ANO6: variants seen among roughly 807,000 people sequenced by gnomAD.
ANO6 encodes anoctamin-6.
ANO6 carries 106 observed loss-of-function variants against 117.5 expected under a neutral mutation model. The observed-to-expected ratio is 0.90, with a 90% CI of 0.77 to 1.06. The LOEUF is 1.06. ANO6 is among the 50% of genes least tolerant of loss of function. The probability of loss-of-function intolerance (pLI) is 0.00; values close to 1 mark genes in which losing one functional copy is unlikely to be tolerated. For synonymous variants in ANO6, 367 were observed against 385.1 expected, an observed-to-expected ratio of 0.95 and a Z score of 0.55; for missense variants, 955 against 1,121.1, an observed-to-expected ratio of 0.85 and a Z score of 2.12.
At chr12:45,298,435 T>C (rs1592932701) in intron 1 of ANO6, among the ~76,000 whole-genome samples, 2 of 152,338 alleles carry the variant, frequency 1.3e-5, no homozygotes, top group Admixed American at 1.3e-4. Flanking sequence ...TTATTTTTGC[T>C]GAGAAATGAA....
intron 2 of ANO6, among the ~76,000 whole-genome samples, chr12:45,308,066 T>TTTTTTTC (rs1939732394): frequency 7.4e-6 from 1 of 135,620 alleles, no homozygotes; most frequent in Non-Finnish European, 1.6e-5. Flanking sequence ...TTTTTTTTTT[T>TTTTTTTC]TTTTTTGCCA....
intron 1 of ANO6, among the ~76,000 whole-genome samples, chr12:45,219,492 A>G (rs577586387): frequency 5.5e-5 from 8 of 145,172 alleles, no homozygotes; most frequent in African/African-American, 2.0e-4. Context: ...TTGTGACACC[A>G]TGCCTGGCCA....
At chr12:45,409,597 A>T in intron 16 of ANO6, 110 bp downstream of exon 16, 1 of 1,325,146 alleles carries the variant, frequency 7.5e-7, no homozygotes, top group Non-Finnish European at 1.1e-6. Flanking sequence ...TGAAATGAAG[A>T]AGAGTATGTT....
intron 1 of ANO6, among the ~76,000 whole-genome samples, chr12:45,238,618 C>T (rs555909730): frequency 4.0e-5 from 6 of 151,148 alleles, no homozygotes; most frequent in South Asian, 2.1e-4. Context: ...AGTCTTGTGC[C>T]GGTTTTCAAA....
At chr12:45,365,810 C>G (rs75466527) in intron 8 of ANO6, among the ~76,000 whole-genome samples, 24 of 147,384 alleles carry the variant, frequency 1.6e-4, no homozygotes, top group Middle Eastern at 3.4e-3. Context: ...CAGATGACAT[C>G]AAGCACTTGC....
chr12:45,289,089 T>C (rs1444867459), intron 1 of ANO6, among the ~76,000 whole-genome samples: 1 of 151,948 alleles, frequency 6.6e-6, no homozygotes, highest in Non-Finnish European at 1.5e-5. Flanking sequence ...TGTACCCTAA[T>C]TGATTTAAGC....
At chr12:45,437,053 C>G (rs1943715095), downstream of ANO6, among the ~76,000 whole-genome samples, 1 of 152,208 alleles carries the variant, frequency 6.6e-6, no homozygotes, top group Non-Finnish European at 1.5e-5. Flanking sequence ...TCAGTGAAAC[C>G]TGTGTGGAAA....
chr12:45,349,331 C>T (rs1335209979), intron 6 of ANO6, among the ~76,000 whole-genome samples: 1 of 152,038 alleles, frequency 6.6e-6, no homozygotes, highest in African/African-American at 2.4e-5. Context: ...ATGGCAGTAC[C>T]CCAGATGGTT....
At chr12:45,268,275 C>T (rs1394362854) in intron 1 of ANO6, among the ~76,000 whole-genome samples, 1 of 152,170 alleles carries the variant, frequency 6.6e-6, no homozygotes. Context: ...AATCCCAGCA[C>T]TTTGGGAAGC....
At chr12:45,439,667 T>TTTTGAAA in intron 19 of ANO6, 1 of 1,229,210 alleles carries the variant, frequency 8.1e-7, no homozygotes, top group Non-Finnish European at 1.0e-6. Flanking sequence ...TTTTTTTTTT[T>TTTTGAAA]GAGACAGTAT....
intron 1 of ANO6, among the ~76,000 whole-genome samples, chr12:45,244,374 C>T (rs1565641937): frequency 7.5e-6 from 1 of 133,608 alleles, no homozygotes; most frequent in Non-Finnish European, 1.5e-5. Flanking sequence ...ACTGCCCAAG[C>T]AGCGGTTACT....
At chr12:45,368,794 G>A (rs1030431033) in intron 9 of ANO6, among the ~76,000 whole-genome samples, 4 of 152,172 alleles carry the variant, frequency 2.6e-5, no homozygotes, top group African/African-American at 9.7e-5. Context: ...TTAACGGAAT[G>A]TATTGCTGTT....
At chr12:45,402,162 A>G (rs1942808496) in intron 13 of ANO6, 142 bp downstream of exon 13, 1 of 687,986 alleles carries the variant, frequency 1.5e-6, no homozygotes, top group South Asian at 1.8e-5. Flanking sequence ...TTTCTCTAGC[A>G]TGTATGGAAA....
intron 1 of ANO6, among the ~76,000 whole-genome samples, chr12:45,263,367 CT>C (rs72457782): frequency 1.9e-3 from 148 of 79,172 alleles, no homozygotes; most frequent in African/African-American, 6.8e-3. Context: ...CTGGCCTGGC[CT>C]TTTTTTTTTT....
At chr12:45,366,923 G>A (rs563913252) in intron 8 of ANO6, among the ~76,000 whole-genome samples, 2 of 152,196 alleles carry the variant, frequency 1.3e-5, no homozygotes, top group East Asian at 3.9e-4. Flanking sequence ...TTGTATCCCT[G>A]TGTGTATTTT....
intron 8 of ANO6, among the ~76,000 whole-genome samples, chr12:45,362,404 T>G (rs1395200034): frequency 6.6e-6 from 1 of 152,130 alleles, no homozygotes; most frequent in Non-Finnish European, 1.5e-5. Context: ...CTAGCTAAGT[T>G]TGCCAATTTT....
rs753106949 is a variant in ANO6 at position 45,331,365 on chromosome 12, T to C, written c.221T>C (p.Val74Ala). ...CAGCGAAGAATTGACTTTGTTCTAGTATATGAGGATGAAAGCAGAAAAGAG... is the reference window on the plus strand; with the variant it reads ...CAGCGAAGAATTGACTTTGTTCTAGCATATGAGGATGAAAGCAGAAAAGAG... ...DGQRRIDFVLVYEDESRKETN... is the reference protein window; with the variant it reads ...DGQRRIDFVLAYEDESRKETN... The change falls in exon 3 of 20, where the codon GTA (valine) becomes GCA (alanine). Residue 74 changes from valine (V) to alanine (A), a missense_variant. Physicochemically the swap from Val to Ala is moderately conservative, Grantham distance 64 (BLOSUM62 0). Coordinates refer to ENST00000320560, the MANE Select transcript of ANO6 (RefSeq NM_001025356.3). The C allele has an allele frequency of 6.2e-7, 1 of 1,610,176 alleles. No homozygotes were observed. Among genetic ancestry groups the C allele is most frequent in the South Asian group, 1.1e-5 (1 of 90,162 alleles).
Position 45,430,711 on chromosome 12 carries a change from C to G in ANO6, c.*1400C>G. On this transcript the variant is annotated 3_prime_UTR_variant, in exon 20 of 20. Coordinates refer to ENST00000320560, the MANE Select transcript of ANO6 (RefSeq NM_001025356.3). Reference sequence around the variant, plus strand: ...AGATTACTTCCTGCTGCACTCCTGTCTTGCCATGCACGTCTTGCCCCCTCA... The same window carrying G: ...AGATTACTTCCTGCTGCACTCCTGTGTTGCCATGCACGTCTTGCCCCCTCA... The G allele has an allele frequency of 1.0e-6, 1 of 985,436 alleles. No individual in the cohort carries two copies. Among genetic ancestry groups the G allele is most frequent in the Middle Eastern group, 5.2e-4 (1 of 1,914 alleles). The allele number at this position is 985,436 out of a possible 1,614,324, so 61.0% of individuals were successfully genotyped here. A position where few individuals can be genotyped will look rare whatever the true frequency, so the allele number is the denominator to read the frequency against.
At chr12:45,227,237 G>T (rs1482377756) in intron 1 of ANO6, among the ~76,000 whole-genome samples, 1 of 152,038 alleles carries the variant, frequency 6.6e-6, no homozygotes. Flanking sequence ...TGATCCACCC[G>T]CCTTGGCCTC....
Sources: allele counts gnomAD v4.1 joint callset (sites outside exome capture counted in the v4.1 genomes callset), GRCh38; gene constraint gnomAD v4.1.1; transcripts MANE v1.5; gene names NCBI Gene and HGNC (gene_info 2026-07-23, HGNC 2026-07-21).